The following PRNP variants were observed in gnomAD, a reference collection of about 807,000 sequenced individuals.
PRNP encodes the protein prion protein (Kanno blood group), also known as major prion protein.
In PRNP, 15 loss-of-function variants were observed where a neutral mutation model predicts 21.3. The ratio of observed to expected loss-of-function variants is 0.71; its 90% CI spans 0.47 to 1.09. The LOEUF is 1.09. Ranked by LOEUF, PRNP falls within the 50% of genes least tolerant of loss-of-function variation. PRNP has a pLI of 0.00. For synonymous variants in PRNP, 121 were observed against 123.1 expected, an observed-to-expected ratio of 0.98 and a Z score of 0.11; for missense variants, 285 against 340.9, an observed-to-expected ratio of 0.84 and a Z score of 1.29.
In PRNP at chr20:4,701,571, G is replaced by A. The variant is rs369874939; in HGVS notation, c.*1589G>A. ...GTTTAATATCTGACTGAAATTAAAC[G>A]AGCGAAGATGAGCACCACCTCCCGT... On this transcript the variant is annotated 3_prime_UTR_variant, in exon 2 of 2. Transcript: ENST00000379440. The surrounding 1 kb of genome is among the most constrained non-coding windows in gnomAD (Gnocchi z 4.2). 6.0e-6 allele frequency: 1 copy of A among 167,094 alleles called. No homozygotes were observed. Among genetic ancestry groups the A allele is most frequent in the African/African-American group, 2.4e-5 (1 of 41,554 alleles). 10.4% of individuals were successfully genotyped at this position (167,094 alleles called of 1,614,324 possible).
rs2122232339 is a variant in PRNP at position 4,700,239 on chromosome 20, C to G, written c.*257C>G. On this transcript the variant is annotated 3_prime_UTR_variant, in exon 2 of 2. Transcript: ENST00000379440. This position sits in a 1 kb window ranked among gnomAD's most constrained non-coding sequence, Gnocchi z 4.1. ...CAGTAAAAGTATAACAGCAAATAAC[C>G]ATTGGTTAATCTGGACTTATTTTTG... The G allele has an allele frequency of 8.3e-7, 1 of 1,199,068 alleles. No individual in the cohort carries two copies. Among genetic ancestry groups the G allele is most frequent in the East Asian group, 2.9e-5 (1 of 34,376 alleles). 74.3% of individuals were successfully genotyped at this position (1,199,068 alleles called of 1,614,324 possible). A position where few individuals can be genotyped will look rare whatever the true frequency, so the allele number is the denominator to read the frequency against.
intron 1 of PRNP, among the ~76,000 whole-genome samples, chr20:4,688,336 C>T (rs1601008605): frequency 1.3e-5 from 2 of 152,068 alleles, no homozygotes; most frequent in African/African-American, 4.8e-5. Context: ...AATTTTGTGA[C>T]CTTGGACAGG....
Position 4,699,207 on chromosome 20 carries a change from G to T in PRNP, c.-10-4G>T, listed in dbSNP as rs1922367866. Reference sequence around the variant, plus strand: ...ACTCTGACGTTCTCCTCTTCATTTTGCAGAGCAGTCATTATGGCGAACCTT... The same window carrying T: ...ACTCTGACGTTCTCCTCTTCATTTTTCAGAGCAGTCATTATGGCGAACCTT... On this transcript the variant is annotated splice_region_variant and splice_polypyrimidine_tract_variant and intron_variant, in intron 1 of 1. Transcript: ENST00000379440. This position sits in a 1 kb window ranked among gnomAD's most constrained non-coding sequence, Gnocchi z 5.8. The T allele has an allele frequency of 3.7e-6, 6 of 1,613,868 alleles. No individual in the cohort carries two copies. Among genetic ancestry groups the T allele is most frequent in the Non-Finnish European group, 5.1e-6 (6 of 1,180,008 alleles).
chr20:4,690,770 C>T (rs1212492546), intron 1 of PRNP, among the ~76,000 whole-genome samples: 1 of 152,148 alleles, frequency 6.6e-6, no homozygotes, highest in Non-Finnish European at 1.5e-5. Flanking sequence ...GACAAGAATG[C>T]TCACACGCAC....
rs943366320 is a variant in PRNP at position 4,699,350 on chromosome 20, C to T, written c.130C>T (p.Pro44Ser). 9 of 1,613,664 alleles carry T rather than the reference C, an allele frequency of 5.6e-6. No individual in the cohort carries two copies. Among genetic ancestry groups the T allele is most frequent in the Admixed American group, 5.0e-5 (3 of 59,986 alleles). The change falls in exon 2 of 2, where the codon CCT becomes TCT. Residue 44 changes from proline (P) to serine (S), a missense_variant. By Grantham distance (74) the Pro-to-Ser change is moderately conservative. Transcript: ENST00000379440. The surrounding 1 kb of genome is among the most constrained non-coding windows in gnomAD (Gnocchi z 5.8). ...CAGCCGATACCCGGGGCAGGGCAGC[C>T]CTGGAGGCAACCGCTACCCACCTCA... ...GGSRYPGQGS[P>S]GGNRYPPQGG...
Position 4,699,770 on chromosome 20 carries a change from A to G in PRNP, c.550A>G (p.Ile184Val). The G allele has an allele frequency of 3.1e-6, 5 of 1,613,936 alleles. No individual in the cohort carries two copies. The Middle Eastern group carries it at 4.9e-4, about 160-fold the overall frequency. The stretch of plus-strand genomic sequence containing the variant: ...TGTGCACGACTGCGTCAATATCACA[A>G]TCAAGCAGCACACGGTCACCACAAC... ...NFVHDCVNIT[I>V]KQHTVTTTTK... The change falls in exon 2 of 2, where the codon ATC (isoleucine) becomes GTC (valine). Residue 184 changes from isoleucine (I) to valine (V), a missense_variant. Transcript: ENST00000379440. The surrounding 1 kb of genome is among the most constrained non-coding windows in gnomAD (Gnocchi z 5.8).
rs748262693 is a variant in PRNP, at chr20:4,700,260, T to C, written c.*278T>C. The C allele has an allele frequency of 2.0e-6, 2 of 1,023,664 alleles. No individual in the cohort carries two copies. The highest frequency in any genetic ancestry group is 3.2e-5 in the African/African-American group (2 of 62,352). 63.4% of individuals were successfully genotyped at this position (1,023,664 alleles called of 1,614,324 possible). On this transcript the variant is annotated 3_prime_UTR_variant, in exon 2 of 2. Transcript: ENST00000379440. This position sits in a 1 kb window ranked among gnomAD's most constrained non-coding sequence, Gnocchi z 4.1. ...TAACCATTGGTTAATCTGGACTTAT[T>C]TTTGGACTTAGTGCAACAGGTTGAG...
In PRNP at chr20:4,700,068, T is replaced by C. The variant is rs778648154; in HGVS notation, c.*86T>C. 3.0e-5 allele frequency: 47 copies of C among 1,551,336 alleles called. No homozygotes were observed. In the East Asian group the frequency reaches 1.1e-3, roughly 38 times the overall value. ...CCACCTGCAGCCCTTTTAGTGGTGG[T>C]GTCTCACTCTTTCTTCTCTCTTTGT... On this transcript the variant is annotated 3_prime_UTR_variant, in exon 2 of 2. Transcript: ENST00000379440. The surrounding 1 kb of genome is among the most constrained non-coding windows in gnomAD (Gnocchi z 4.1).
intron 1 of PRNP, among the ~76,000 whole-genome samples, chr20:4,692,430 A>T (rs1433649165): frequency 6.6e-6 from 1 of 152,180 alleles, no homozygotes; most frequent in Non-Finnish European, 1.5e-5. Flanking sequence ...CAGGTAAAAA[A>T]ATTATACCTA....
chr20:4,700,059 T>A lies in PRNP; in HGVS notation c.*77T>A, dbSNP rs1922502266. ...AGGCGGTATCCACCTGCAGCCCTTT[T>A]AGTGGTGGTGTCTCACTCTTTCTTC... is the stretch of plus-strand genomic sequence containing the variant. On this transcript the variant is annotated 3_prime_UTR_variant, in exon 2 of 2. Transcript: ENST00000379440. The surrounding 1 kb of genome is among the most constrained non-coding windows in gnomAD (Gnocchi z 4.1). 1 of 1,552,024 alleles carries A rather than the reference T, an allele frequency of 6.4e-7. No individual in the cohort carries two copies. Among genetic ancestry groups the A allele is most frequent in the African/African-American group, 1.4e-5 (1 of 73,062 alleles).
intron 1 of PRNP, among the ~76,000 whole-genome samples, chr20:4,687,655 C>G (rs1477454496): frequency 6.6e-6 from 1 of 152,166 alleles, no homozygotes; most frequent in Non-Finnish European, 1.5e-5. Context: ...AGCCACAGCT[C>G]TCCGTTTTTG....
In PRNP at chr20:4,699,193, C is replaced by T. The variant is rs757051547; in HGVS notation, c.-10-18C>T. ...AACATAAATATGGGACTCTGACGTTCTCCTCTTCATTTTGCAGAGCAGTCA... is the reference window on the plus strand; with the variant it reads ...AACATAAATATGGGACTCTGACGTTTTCCTCTTCATTTTGCAGAGCAGTCA... On this transcript the variant is annotated intron_variant, in intron 1 of 1. Transcript: ENST00000379440. The surrounding 1 kb of genome is among the most constrained non-coding windows in gnomAD (Gnocchi z 5.8). The T allele has an allele frequency of 5.6e-6, 9 of 1,613,392 alleles. No homozygotes were observed. Among genetic ancestry groups the T allele is most frequent in the Non-Finnish European group, 7.6e-6 (9 of 1,179,616 alleles).
rs1428519823 is a variant in PRNP, at chr20:4,686,596, G to T, written c.-11+84G>T. 6.6e-6 allele frequency: 1 copy of T among 151,840 alleles called. No homozygotes were observed. The highest frequency in any genetic ancestry group is 2.4e-5 in the African/African-American group (1 of 41,378). The allele number at this position is 151,840 out of a possible 1,614,324, so 9.4% of individuals were successfully genotyped here. Reference sequence around the variant, plus strand: ...GAGGACCCCGGGCCTCGGGTCCCAGGCGCAAGGGTGCCCGGCCGGGCGGGG... The same window carrying T: ...GAGGACCCCGGGCCTCGGGTCCCAGTCGCAAGGGTGCCCGGCCGGGCGGGG... On this transcript the variant is annotated intron_variant, in intron 1 of 1. Transcript: ENST00000379440. This position sits in a 1 kb window ranked among gnomAD's most constrained non-coding sequence, Gnocchi z 6.7.
intron 1 of PRNP, among the ~76,000 whole-genome samples, chr20:4,688,484 A>G (rs965124592): frequency 6.6e-6 from 1 of 152,218 alleles, no homozygotes; most frequent in African/African-American, 2.4e-5. Context: ...CTGGTGATGC[A>G]TTAAGAAGCT....
chr20:4,691,511 A>G (rs968063697), intron 1 of PRNP, among the ~76,000 whole-genome samples: 1 of 152,176 alleles, frequency 6.6e-6, no homozygotes, highest in African/African-American at 2.4e-5. Context: ...TTCTGCATCT[A>G]TTGAAATGAT....
intron 1 of PRNP, among the ~76,000 whole-genome samples, chr20:4,687,212 G>A (rs1165232129): frequency 6.6e-6 from 1 of 152,130 alleles, no homozygotes; most frequent in Non-Finnish European, 1.5e-5. Context: ...CCACCGCCTG[G>A]AGAAGCGGCC....
chr20:4,692,231 C>T (rs796529315), intron 1 of PRNP, among the ~76,000 whole-genome samples: 52 of 152,172 alleles, frequency 3.4e-4, no homozygotes, highest in African/African-American at 1.2e-3. Flanking sequence ...TGTAGCTTGC[C>T]TACTACTTAT....
intron 1 of PRNP, among the ~76,000 whole-genome samples, chr20:4,698,132 G>A (rs946154202): frequency 1.3e-5 from 2 of 152,072 alleles, no homozygotes; most frequent in Admixed American, 1.3e-4. Flanking sequence ...CAGGGAAGCA[G>A]GCCTGCAAAG....
In PRNP at chr20:4,699,807, A is replaced by C. The variant is rs769346296; in HGVS notation, c.587A>C (p.Glu196Ala). ...ACGGTCACCACAACCACCAAGGGGG[A>C]GAACTTCACCGAGACCGACGTTAAG... ...QHTVTTTTKG[E>A]NFTETDVKMM... The change falls in exon 2 of 2, where the codon GAG (glutamate) becomes GCG (alanine). Residue 196 changes from glutamate (E) to alanine (A), a missense_variant. By Grantham distance (107) the Glu-to-Ala change is moderately radical. Transcript: ENST00000379440. This position sits in a 1 kb window ranked among gnomAD's most constrained non-coding sequence, Gnocchi z 5.8. 17 of 1,613,652 alleles carry C rather than the reference A, an allele frequency of 1.1e-5. No individual in the cohort carries two copies. In the East Asian group the frequency reaches 3.8e-4, roughly 36 times the overall value.
Sources: gnomAD v4.1 joint callset for allele counts (sites outside exome capture counted in the v4.1 genomes callset) on GRCh38, gnomAD v4.1.1 for gene constraint, Gnocchi (gnomAD v3.1) non-coding constraint, MANE v1.5 for transcripts, NCBI Gene and HGNC (gene_info 2026-07-23, HGNC 2026-07-21) for gene names.